LNX1: variants seen among roughly 807,000 people sequenced by gnomAD.
The protein encoded by LNX1 is E3 ubiquitin-protein ligase LNX.
A neutral mutation model predicts 68.4 loss-of-function variants in LNX1; 54 were observed. The observed-to-expected ratio is 0.79, with a 90% CI of 0.63 to 0.99. The LOEUF (loss-of-function observed/expected upper bound fraction) is 0.99, where lower values mean the gene tolerates loss of function less well. Among genes scored for constraint, LNX1 ranks in the 50% least tolerant of loss-of-function variants. The pLI is 0.00. For missense variants in LNX1, 906 were observed against 926.4 expected (o/e 0.98, Z 0.29); for synonymous variants, 336 against 350.0 (o/e 0.96, Z 0.45).
chr4:53,601,881 G>C (rs1733032160), intron 2 of LNX1, among the ~76,000 whole-genome samples: 1 of 152,030 alleles, frequency 6.6e-6, no homozygotes, highest in South Asian at 2.1e-4. Context: ...CTCCAAACTG[G>C]TTACTGCTGT....
chr4:53,640,265 C>T (rs1261569622), intron 1 of LNX1, among the ~76,000 whole-genome samples: 1 of 152,088 alleles, frequency 6.6e-6, no homozygotes, highest in Non-Finnish European at 1.5e-5. Context: ...CCTAACAGAG[C>T]ATGGCAGTGG....
In LNX1 at chr4:53,646,880, A is replaced by G. The variant is rs1734904728; in HGVS notation, c.-215+5288T>C. 2.0e-5 allele frequency among the ~76,000 whole-genome samples: 3 copies of G among 152,318 alleles called. No individual in the cohort carries two copies. In the East Asian group the frequency reaches 5.8e-4, roughly 29 times the overall value. ...TCACTATTATTTCATTATTGTTCCAATTTAACATGAGTAAATAAACCACTC... is the reference window on the plus strand; with the variant it reads ...TCACTATTATTTCATTATTGTTCCAGTTTAACATGAGTAAATAAACCACTC... On this transcript the variant is annotated intron_variant, in intron 1 of 2. Transcript: ENST00000507168.
chr4:53,593,090 TTTA>T (rs1349851704), upstream of LNX1: 1 of 152,252 alleles, frequency 6.6e-6, no homozygotes, highest in Admixed American at 6.5e-5. Context: ...TGGCTATTCC[TTTA>T]TTATTTAAAA....
chr4:53,529,341 G>C lies in LNX1; in HGVS notation c.381-21114C>G, dbSNP rs888053161. Among the ~76,000 whole-genome samples the C allele has an allele frequency of 2.6e-5, 4 of 152,144 alleles. No individual in the cohort carries two copies. The South Asian group carries it at 6.2e-4, about 24-fold the overall frequency. On this transcript the variant is annotated intron_variant, in intron 2 of 10. Transcript: ENST00000263925. ...CAGTGGGGACGGCAGCATAGTTGAG[G>C]AGACAAGGTACTTCTAATTTTCCCT...
intron 6 of LNX1, among the ~76,000 whole-genome samples, chr4:53,493,426 T>C (rs1316871823): frequency 6.6e-6 from 1 of 152,122 alleles, no homozygotes; most frequent in African/African-American, 2.4e-5. Flanking sequence ...ACCACGTGTG[T>C]TTTCTGCCCT....
chr4:53,616,227 CT>C (rs1733673957), intron 2 of LNX1, among the ~76,000 whole-genome samples: 2 of 152,248 alleles, frequency 1.3e-5, no homozygotes, highest in South Asian at 4.2e-4. Flanking sequence ...ATTGAGACAT[CT>C]TTTTTACTTT....
At chr4:53,587,310 A>G (rs1732231238) in intron 1 of LNX1, among the ~76,000 whole-genome samples, 1 of 152,148 alleles carries the variant, frequency 6.6e-6, no homozygotes, top group Non-Finnish European at 1.5e-5. Context: ...TCCACATTTT[A>G]TGGTTTTTTT....
At chr4:53,646,427 A>T (rs1362235794) in intron 1 of LNX1, among the ~76,000 whole-genome samples, 1 of 152,190 alleles carries the variant, frequency 6.6e-6, no homozygotes, top group East Asian at 1.9e-4. Flanking sequence ...CTGTATTCAT[A>T]GCACTTACAA....
chr4:53,605,894 A>G (rs1358106399), intron 2 of LNX1, among the ~76,000 whole-genome samples: 2 of 152,216 alleles, frequency 1.3e-5, no homozygotes, highest in African/African-American at 4.8e-5. Flanking sequence ...ATGGGAATGC[A>G]GCAATCACCA....
intron 1 of LNX1, among the ~76,000 whole-genome samples, chr4:53,591,100 GGTT>G (rs568775953): frequency 5.9e-5 from 9 of 152,332 alleles, no homozygotes; most frequent in Admixed American, 2.0e-4. Flanking sequence ...CTTCTCTTTA[GGTT>G]GTTGTTGTTG....
rs368391218 is a variant in LNX1 at position 53,498,592 on chromosome 4, T to C, written c.978+49A>G. 5 of 1,420,104 alleles carry C rather than the reference T, an allele frequency of 3.5e-6. No individual in the cohort carries two copies. In the African/African-American group the frequency reaches 4.2e-5, roughly 12 times the overall value. 88.0% of individuals were successfully genotyped at this position (1,420,104 alleles called of 1,614,324 possible). On this transcript the variant is annotated intron_variant, in intron 5 of 10. Transcript: ENST00000263925. ...CTATCCAATTGTTTGCTCAGAAGCA[T>C]TTTTTTATATCAAGCCCCTTGCTGC... is the stretch of plus-strand genomic sequence containing the variant.
At chr4:53,566,663 G>A (rs1364208690) in intron 2 of LNX1, among the ~76,000 whole-genome samples, 1 of 152,018 alleles carries the variant, frequency 6.6e-6, no homozygotes, top group Non-Finnish European at 1.5e-5. Context: ...AACTTTACAT[G>A]TAAATGGACT....
At chr4:53,629,877 G>T (rs1174402092) in intron 1 of LNX1, among the ~76,000 whole-genome samples, 1 of 152,030 alleles carries the variant, frequency 6.6e-6, no homozygotes, top group Non-Finnish European at 1.5e-5. Context: ...GAGTGATGCT[G>T]CTTTATCCTC....
chr4:53,551,420 A>C (rs1729505753), intron 2 of LNX1, among the ~76,000 whole-genome samples: 1 of 152,156 alleles, frequency 6.6e-6, no homozygotes, highest in South Asian at 2.1e-4. Context: ...TCAGCTTCCT[A>C]GTAAGATCTC....
At chr4:53,524,034 C>T (rs1727436091) in intron 2 of LNX1, among the ~76,000 whole-genome samples, 1 of 152,172 alleles carries the variant, frequency 6.6e-6, no homozygotes, top group South Asian at 2.1e-4. Flanking sequence ...ATAAAACTTA[C>T]ATTTTAGATA....
At chr4:53,470,496 C>T (rs1343725966) in intron 9 of LNX1, among the ~76,000 whole-genome samples, 11 of 152,070 alleles carry the variant, frequency 7.2e-5, no homozygotes, top group African/African-American at 2.4e-4. Context: ...CCAGGGCAAT[C>T]AGGAAGGAGA....
chr4:53,479,375 TA>T (rs1241018021), intron 7 of LNX1, among the ~76,000 whole-genome samples: 1 of 152,248 alleles, frequency 6.6e-6, no homozygotes, highest in Non-Finnish European at 1.5e-5. Context: ...GCTCAGTGCT[TA>T]CCAGGCAGCC....
chr4:53,650,290 C>A (rs137976885), intron 1 of LNX1, among the ~76,000 whole-genome samples: 1 of 152,152 alleles, frequency 6.6e-6, no homozygotes, highest in Non-Finnish European at 1.5e-5. Context: ...GGAGGACATA[C>A]GGTAGCTCCA....
At chr4:53,467,697 C>T (rs944168662) in intron 9 of LNX1, among the ~76,000 whole-genome samples, 3 of 152,156 alleles carry the variant, frequency 2.0e-5, no homozygotes, top group Admixed American at 1.3e-4. Flanking sequence ...GACGAATGCA[C>T]AAGCCTCAGT....
Sources: gnomAD v4.1 joint callset for allele counts (sites outside exome capture counted in the v4.1 genomes callset) on GRCh38, gnomAD v4.1.1 for gene constraint, MANE v1.5 for transcripts, NCBI Gene and HGNC (gene_info 2026-07-23, HGNC 2026-07-21) for gene names.